The following SMAP2 variants were observed in gnomAD, a reference collection of about 807,000 sequenced individuals.
The protein encoded by SMAP2 is small ArfGAP2, also known as stromal membrane-associated protein 2.
In SMAP2, 25 loss-of-function variants were observed where a neutral mutation model predicts 56.4. That is an observed-to-expected ratio of 0.44 (90% CI 0.32 to 0.62). SMAP2 has a LOEUF of 0.62. Among genes scored for constraint, SMAP2 ranks in the 20% least tolerant of loss-of-function variants. SMAP2 has a pLI of 0.04. For synonymous variants in SMAP2, 157 were observed against 181.7 expected (o/e 0.86, Z 1.09); for missense variants, 388 against 545.6 (o/e 0.71, Z 2.88).
intron 1 of SMAP2, among the ~76,000 whole-genome samples, chr1:40,359,784 A>T (rs992146645): frequency 9.9e-5 from 15 of 152,156 alleles, no homozygotes; most frequent in Non-Finnish European, 2.1e-4. Context: ...GCGTAAACAG[A>T]CAAGCAAAGA....
intron 1 of SMAP2, among the ~76,000 whole-genome samples, chr1:40,384,197 C>T (rs992900449): frequency 3.0e-4 from 45 of 152,286 alleles, no homozygotes; most frequent in South Asian, 2.1e-4. Context: ...CCACCAAGGC[C>T]GGGCCTCAGC....
chr1:40,393,376 A>G (rs1435884165), intron 1 of SMAP2: 1 of 1,535,340 alleles, frequency 6.5e-7, no homozygotes, highest in East Asian at 2.4e-5. Context: ...GAGAGGCAGC[A>G]GAGCGCCGTG....
At chr1:40,396,805 A>G (rs929987174) in intron 1 of SMAP2, 1 of 983,610 alleles carries the variant, frequency 1.0e-6, no homozygotes, top group African/African-American at 1.7e-5. Flanking sequence ...GCCCTACACA[A>G]TTTTTCCAAG....
intron 1 of SMAP2, among the ~76,000 whole-genome samples, chr1:40,379,202 C>T (rs1010049439): frequency 6.6e-6 from 1 of 151,954 alleles, no homozygotes; most frequent in Non-Finnish European, 1.5e-5. Context: ...GAACTCCTGG[C>T]CTCGGGTGAT....
intron 1 of SMAP2, among the ~76,000 whole-genome samples, chr1:40,396,168 A>G (rs12748902): frequency 0.095 from 14,522 of 152,204 alleles, 742 homozygotes; most frequent in East Asian, 0.17. Context: ...TTGATATATT[A>G]TATAAGTATG....
At chr1:40,359,023 A>G (rs1284559841) in intron 1 of SMAP2, among the ~76,000 whole-genome samples, 3 of 152,122 alleles carry the variant, frequency 2.0e-5, no homozygotes, top group Admixed American at 6.6e-5. Flanking sequence ...TGTTATAAAT[A>G]TAGTTACTTC....
chr1:40,418,990 T>C (rs947962039), intron 9 of SMAP2, among the ~76,000 whole-genome samples: 1 of 152,156 alleles, frequency 6.6e-6, no homozygotes, highest in Non-Finnish European at 1.5e-5. Context: ...GAATGTTTAA[T>C]TGAGAATCTA....
chr1:40,357,222 G>C (rs930793156), intron 1 of SMAP2, among the ~76,000 whole-genome samples: 1 of 151,976 alleles, frequency 6.6e-6, no homozygotes, highest in Non-Finnish European at 1.5e-5. Flanking sequence ...TATTTCTTGA[G>C]AAATTTTGGA....
chr1:40,406,630 ATTATTTCACT>A, intron 1 of SMAP2, 96 bp from the exon 2 acceptor site: 1 of 1,303,062 alleles, frequency 7.7e-7, no homozygotes, highest in Non-Finnish European at 1.1e-6. Flanking sequence ...TATGGTAAAA[ATTATTTCACT>A]TATGTTCTAG....
rs533199745 is a variant in SMAP2 at position 40,374,781 on chromosome 1, A to G, written c.103+558A>G. The G allele has an allele frequency of 3.2e-6, 5 of 1,550,494 alleles. No homozygotes were observed. In the Admixed American group the frequency reaches 9.8e-5, roughly 30 times the overall value. On this transcript the variant is annotated intron_variant, in intron 1 of 9. Coordinates refer to ENST00000372718, the MANE Select transcript of SMAP2 (RefSeq NM_022733.3). This position sits in a 1 kb window ranked among gnomAD's most constrained non-coding sequence, Gnocchi z 5.9. ...TGCAGCCTTGCTAAGATCTGACAAG[A>G]GTGCTTAGGTGACTTTATTCTTCTG...
intron 1 of SMAP2, among the ~76,000 whole-genome samples, chr1:40,384,951 C>G (rs1644639072): frequency 6.6e-6 from 1 of 152,184 alleles, no homozygotes; most frequent in African/African-American, 2.4e-5. Flanking sequence ...GTTTCCCACA[C>G]TTTCTCCTTC....
intron 1 of SMAP2, among the ~76,000 whole-genome samples, chr1:40,388,725 C>G (rs1046032573): frequency 6.6e-6 from 1 of 152,168 alleles, no homozygotes; most frequent in Non-Finnish European, 1.5e-5. Flanking sequence ...AGCAGGCTGC[C>G]CGAGCCAGCA....
At chr1:40,392,612 A>G (rs1187456915) in intron 1 of SMAP2, among the ~76,000 whole-genome samples, 1 of 152,158 alleles carries the variant, frequency 6.6e-6, no homozygotes, top group African/African-American at 2.4e-5. Flanking sequence ...TGCTTTAAGC[A>G]GGGTCTTTGT....
At chr1:40,392,998 A>C (rs1414852192) in intron 1 of SMAP2, among the ~76,000 whole-genome samples, 1 of 151,954 alleles carries the variant, frequency 6.6e-6, no homozygotes, top group African/African-American at 2.4e-5. Context: ...GGTATTCGGG[A>C]AGCTGAGGCA....
At chr1:40,360,591 C>T (rs1644455927) in intron 1 of SMAP2, among the ~76,000 whole-genome samples, 1 of 152,250 alleles carries the variant, frequency 6.6e-6, no homozygotes, top group African/African-American at 2.4e-5. Context: ...GCATGAGCCA[C>T]TGTGCCCAGC....
chr1:40,395,437 T>C lies in SMAP2; in HGVS notation c.104-11299T>C, dbSNP rs138900408. 1.8e-3 allele frequency among the ~76,000 whole-genome samples: 275 copies of C among 152,192 alleles called. 1 individual carries two copies. The highest frequency in any genetic ancestry group is 6.1e-3 in the African/African-American group (253 of 41,512). On this transcript the variant is annotated intron_variant, in intron 1 of 9. Coordinates refer to ENST00000372718, the MANE Select transcript of SMAP2 (RefSeq NM_022733.3). ...TGGCTCATGCCTGTAATCCCAGTAC[T>C]TTGGGAGGCCAAGGTGGGAAGATCA...
Position 40,406,852 on chromosome 1 carries a change from A to G in SMAP2, c.220A>G (p.Thr74Ala). 1 of 1,613,678 alleles carries G rather than the reference A, an allele frequency of 6.2e-7. No homozygotes were observed. Among genetic ancestry groups the G allele is most frequent in the South Asian group, 1.1e-5 (1 of 91,044 alleles). Reference protein sequence around the residue: ...RVKSVNLDQWTQEQIQCMQEM... With the variant: ...RVKSVNLDQWAQEQIQCMQEM... ...AAAGTCAGTTAACCTCGACCAGTGG[A>G]CTCAAGAACAGATTCAGGTACTTAG... is the stretch of plus-strand genomic sequence containing the variant. The change falls in exon 2 of 10, where the codon ACT becomes GCT. Residue 74 changes from threonine (T) to alanine (A), a missense_variant. Transcript: ENST00000372718.
intron 1 of SMAP2, 123 bp from the exon 2 acceptor site, chr1:40,406,613 A>G (rs1205267466): frequency 4.8e-6 from 5 of 1,037,696 alleles, no homozygotes; most frequent in Non-Finnish European, 7.0e-6. Flanking sequence ...GTCAATAAAC[A>G]GGTGGTTATG....
upstream of SMAP2, among the ~76,000 whole-genome samples, chr1:40,373,483 A>G (rs1431308762): frequency 2.0e-5 from 3 of 152,126 alleles, no homozygotes; most frequent in East Asian, 5.8e-4. Flanking sequence ...GTCTTCCTTC[A>G]CTTTCTTCCA....
Sources: gnomAD v4.1 joint callset for allele counts (sites outside exome capture counted in the v4.1 genomes callset) on GRCh38, gnomAD v4.1.1 for gene constraint, Gnocchi (gnomAD v3.1) non-coding constraint, MANE v1.5 for transcripts, NCBI Gene and HGNC (gene_info 2026-07-23, HGNC 2026-07-21) for gene names.